CAMTA1: variants seen among roughly 807,000 people sequenced by gnomAD.
The protein encoded by CAMTA1 is calmodulin binding transcription activator 1.
Under a neutral mutation model 170.9 loss-of-function variants are expected in CAMTA1, and 27 were observed. The observed-to-expected ratio is 0.16, with a 90% confidence interval of 0.12 to 0.22. The LOEUF (loss-of-function observed/expected upper bound fraction) is 0.22, where lower values mean the gene tolerates loss of function less well. CAMTA1 is among the 10% of genes least tolerant of loss of function. The probability of loss-of-function intolerance (pLI) is 1.00; values close to 1 mark genes in which losing one functional copy is unlikely to be tolerated. For synonymous variants in CAMTA1, 833 were observed against 891.5 expected, an observed-to-expected ratio of 0.93 and a Z score of 1.17; for missense variants, 1,619 against 2,217.2, an observed-to-expected ratio of 0.73 and a Z score of 5.42.
chr1:6,994,184 CT>C (rs1557941573), intron 3 of CAMTA1, among the ~76,000 whole-genome samples: 1 of 151,710 alleles, frequency 6.6e-6, no homozygotes, highest in Admixed American at 6.6e-5. Context: ...TGTATTTTTT[CT>C]TTTTTTGCTT....
At chr1:6,859,913 C>G (rs1359742983) in intron 3 of CAMTA1, among the ~76,000 whole-genome samples, 1 of 152,224 alleles carries the variant, frequency 6.6e-6, no homozygotes, top group African/African-American at 2.4e-5. Context: ...TAAATCCTTT[C>G]TCAGCCCAAC....
At chr1:7,094,080 G>T (rs1641787470) in intron 4 of CAMTA1, among the ~76,000 whole-genome samples, 2 of 152,186 alleles carry the variant, frequency 1.3e-5, no homozygotes, top group African/African-American at 4.8e-5. Flanking sequence ...GATTTCTCTG[G>T]GTTTGGAAGG....
At chr1:7,759,948 A>G (rs902589813) in intron 22 of CAMTA1, among the ~76,000 whole-genome samples, 1 of 152,208 alleles carries the variant, frequency 6.6e-6, no homozygotes, top group African/African-American at 2.4e-5. Context: ...TTGAAAAGCA[A>G]TTTCTAGACA....
intron 3 of CAMTA1, among the ~76,000 whole-genome samples, chr1:6,879,885 C>T (rs1010617933): frequency 1.3e-5 from 2 of 151,622 alleles, no homozygotes; most frequent in African/African-American, 2.4e-5. Context: ...CCTTGGCCTC[C>T]CAAAGTGATG....
intron 4 of CAMTA1, among the ~76,000 whole-genome samples, chr1:7,165,129 AT>A (rs1648110085): frequency 6.6e-6 from 1 of 152,242 alleles, no homozygotes; most frequent in South Asian, 2.1e-4. Flanking sequence ...ATCACTTCAA[AT>A]GGCTAGATTG....
At chr1:7,346,284 T>C (rs1467381165) in intron 5 of CAMTA1, among the ~76,000 whole-genome samples, 1 of 152,208 alleles carries the variant, frequency 6.6e-6, no homozygotes, top group African/African-American at 2.4e-5. Context: ...TCTCCCTCTC[T>C]GATCCTCAGG....
At chr1:7,243,547 G>A (rs568636873) in intron 4 of CAMTA1, among the ~76,000 whole-genome samples, 1 of 152,294 alleles carries the variant, frequency 6.6e-6, no homozygotes, top group East Asian at 1.9e-4. Flanking sequence ...TAGATACGCA[G>A]CATTATTTCT....
At position 7,120,529 on chromosome 1, in the gene CAMTA1, C is replaced by T. The variant is rs17030341; in HGVS notation, c.302+29158C>T. 8.5e-3 allele frequency among the ~76,000 whole-genome samples: 1,295 copies of T among 152,324 alleles called. 20 individuals carry two copies. Among genetic ancestry groups the T allele is most frequent in the African/African-American group, 0.029 (1,203 of 41,574 alleles). On this transcript the variant is annotated intron_variant, in intron 4 of 22. Coordinates refer to ENST00000303635, the MANE Select transcript of CAMTA1 (RefSeq NM_015215.4). Reference sequence around the variant, plus strand: ...CTAGCAAGATGGACGTTCCTGCTGGCCGTATGTGAACAAATCACAGAAGTA... The same window carrying T: ...CTAGCAAGATGGACGTTCCTGCTGGTCGTATGTGAACAAATCACAGAAGTA...
intron 11 of CAMTA1, among the ~76,000 whole-genome samples, chr1:7,700,244 G>T (rs2096424385): frequency 6.6e-6 from 1 of 152,016 alleles, no homozygotes; most frequent in Admixed American, 6.6e-5. Context: ...TTTTTCATGT[G>T]GATAGCCCAT....
intron 3 of CAMTA1, among the ~76,000 whole-genome samples, chr1:6,902,508 GA>G (rs2149218383): frequency 6.6e-6 from 1 of 152,338 alleles, no homozygotes; most frequent in South Asian, 2.1e-4. Context: ...TGTATGGGAA[GA>G]AAACATCAGT....
chr1:7,277,351 A>G (rs1670863023), intron 5 of CAMTA1, among the ~76,000 whole-genome samples: 1 of 152,246 alleles, frequency 6.6e-6, no homozygotes, highest in Admixed American at 6.5e-5. Context: ...ATGATGTGAT[A>G]CTGGTATCAC....
At chr1:6,913,140 TG>T (rs1040744791) in intron 3 of CAMTA1, among the ~76,000 whole-genome samples, 1 of 152,218 alleles carries the variant, frequency 6.6e-6, no homozygotes, top group African/African-American at 2.4e-5. Flanking sequence ...TAAACACTTC[TG>T]GGGACAAAAG....
intron 5 of CAMTA1, among the ~76,000 whole-genome samples, chr1:7,276,303 A>ATATATATATTTTTTT: frequency 8.3e-5 from 2 of 24,232 alleles, no homozygotes; most frequent in African/African-American, 3.0e-4. Context: ...ATATATATAT[A>ATATATATATTTTTTT]TTTTTTTTTT....
intron 5 of CAMTA1, among the ~76,000 whole-genome samples, chr1:7,377,059 A>G (rs532094527): frequency 6.6e-6 from 1 of 152,316 alleles, no homozygotes; most frequent in South Asian, 2.1e-4. Context: ...TTTAATTAAT[A>G]CAATTAATTT....
At chr1:7,506,924 C>G (rs1034769628) in intron 6 of CAMTA1, among the ~76,000 whole-genome samples, 1 of 152,116 alleles carries the variant, frequency 6.6e-6, no homozygotes, top group Non-Finnish European at 1.5e-5. Flanking sequence ...AAAATTCACT[C>G]ACACTTATGT....
intron 3 of CAMTA1, among the ~76,000 whole-genome samples, chr1:7,058,258 C>T (rs1360208696): frequency 6.6e-6 from 1 of 152,154 alleles, no homozygotes; most frequent in Non-Finnish European, 1.5e-5. Context: ...TGAGAGAGTT[C>T]CTTGCCGTGC....
At chr1:7,043,376 T>A (rs200083734) in intron 3 of CAMTA1, among the ~76,000 whole-genome samples, 24,342 of 152,018 alleles carry the variant, frequency 0.16, 2,367 homozygotes, top group African/African-American at 0.27. Flanking sequence ...TCTCTGTGTG[T>A]GTGTGTGTGC....
At chr1:7,630,699 CAGGGCCCCCA>C (rs574519865) in intron 6 of CAMTA1, among the ~76,000 whole-genome samples, 11 of 152,360 alleles carry the variant, frequency 7.2e-5, no homozygotes, top group African/African-American at 2.4e-4. Flanking sequence ...GAAGGTGCTG[CAGGGCCCCCA>C]AGGGCAGCCT....
rs536867201 is a variant in CAMTA1 at position 6,965,612 on chromosome 1, C to T, written c.235-125692C>T. ...TCTAAAGGAAAAAAAATGGACGTGC[C>T]GCCTGTTAGCTAATCAACAGTGAGG... is the stretch of plus-strand genomic sequence containing the variant. On this transcript the variant is annotated intron_variant, in intron 3 of 22. Coordinates refer to ENST00000303635, the MANE Select transcript of CAMTA1 (RefSeq NM_015215.4). This position sits in a 1 kb window ranked among gnomAD's most constrained non-coding sequence, Gnocchi z 4.1. Among the ~76,000 whole-genome samples the T allele has an allele frequency of 7.2e-5, 11 of 152,128 alleles. No homozygotes were observed. The highest frequency in any genetic ancestry group is 3.4e-3 in the Middle Eastern group (1 of 294).
Sources: gnomAD v4.1 joint callset for allele counts (sites outside exome capture counted in the v4.1 genomes callset) on GRCh38, gnomAD v4.1.1 for gene constraint, Gnocchi (gnomAD v3.1) non-coding constraint, MANE v1.5 for transcripts, NCBI Gene and HGNC (gene_info 2026-07-23, HGNC 2026-07-21) for gene names.